The following SPARC variants were observed in gnomAD, a reference collection of about 807,000 sequenced individuals.
SPARC encodes secreted protein acidic and cysteine rich.
A neutral mutation model predicts 37.7 loss-of-function variants in SPARC; 23 were observed. The ratio of observed to expected loss-of-function variants is 0.61; its 90% confidence interval spans 0.44 to 0.87. The LOEUF is 0.87. Ranked by LOEUF, SPARC falls within the 40% of genes least tolerant of loss-of-function variation. SPARC has a pLI of 0.00. For missense variants in SPARC, 312 were observed against 389.0 expected (o/e 0.80, Z 1.66); for synonymous variants, 155 against 150.8 (o/e 1.03, Z -0.20).
intron 1 of SPARC, among the ~76,000 whole-genome samples, chr5:151,685,412 C>T (rs58980100): frequency 7.2e-5 from 10 of 139,364 alleles, no homozygotes; most frequent in South Asian, 7.0e-4. Flanking sequence ...TCTCTCTCTC[C>T]CTCTCTCTCT....
chr5:151,669,127 A>G (rs4958279), intron 6 of SPARC, among the ~76,000 whole-genome samples: 107,730 of 152,024 alleles, frequency 0.71, 39,255 homozygotes, highest in African/African-American at 0.89. Flanking sequence ...CCAGGTTTCC[A>G]GAAGAGGGTG....
intron 8 of SPARC, among the ~76,000 whole-genome samples, chr5:151,665,561 C>T (rs895198817): frequency 3.9e-5 from 6 of 152,146 alleles, no homozygotes; most frequent in Non-Finnish European, 8.8e-5. Flanking sequence ...GCTCTGCTTC[C>T]ACAACCCAAG....
chr5:151,662,365 T>C lies in SPARC; in HGVS notation c.*1206A>G, dbSNP rs779899202. On this transcript the variant is annotated 3_prime_UTR_variant, in exon 10 of 10. Coordinates refer to ENST00000231061, the MANE Select transcript of SPARC (RefSeq NM_003118.4). The stretch of plus-strand genomic sequence containing the variant: ...ATTTGTGTAGTCATGTGTAGACATG[T>C]ATGCTCATGTGTTTTTGTGTCAGGA... The C allele has an allele frequency of 7.9e-5, 12 of 152,730 alleles. No homozygotes were observed. The highest frequency in any genetic ancestry group is 1.2e-4 in the African/African-American group (5 of 41,570). 9.5% of individuals were successfully genotyped at this position (152,730 alleles called of 1,614,324 possible).
At chr5:151,681,013 C>G (rs1260893528) in intron 1 of SPARC, among the ~76,000 whole-genome samples, 2 of 152,174 alleles carry the variant, frequency 1.3e-5, no homozygotes. Flanking sequence ...GATACAGTGA[C>G]GAAGACCAGG....
intron 6 of SPARC, among the ~76,000 whole-genome samples, 159 bp downstream of exon 6, chr5:151,669,505 T>C (rs558639926): frequency 2.4e-4 from 37 of 152,300 alleles, no homozygotes; most frequent in East Asian, 7.7e-4. Context: ...AGCCAACTCA[T>C]AGACAATTAC....
intron 2 of SPARC, among the ~76,000 whole-genome samples, chr5:151,675,464 A>G (rs1467604431): frequency 6.6e-6 from 1 of 152,210 alleles, no homozygotes; most frequent in Non-Finnish European, 1.5e-5. Context: ...AAGCTGGCTC[A>G]GGACCCAAGC....
intron 2 of SPARC, 80 bp from the exon 3 acceptor site, chr5:151,674,754 A>G: frequency 7.1e-7 from 1 of 1,405,326 alleles, no homozygotes; most frequent in South Asian, 1.2e-5. Context: ...GGCCTCGGAT[A>G]CAGGCTAGGG....
chr5:151,678,460 T>A (rs924487654), intron 1 of SPARC, among the ~76,000 whole-genome samples: 2 of 152,194 alleles, frequency 1.3e-5, no homozygotes, highest in African/African-American at 4.8e-5. Flanking sequence ...CTAAGTCTTA[T>A]AGTGCTGCTT....
chr5:151,672,845 G>T, intron 4 of SPARC: 1 of 424,674 alleles, frequency 2.4e-6, no homozygotes, highest in Non-Finnish European at 4.4e-6. Flanking sequence ...CTCAGCTTTG[G>T]ACTCAGGGCA....
chr5:151,678,473 T>C (rs933000081), intron 1 of SPARC, among the ~76,000 whole-genome samples: 3 of 152,192 alleles, frequency 2.0e-5, no homozygotes, highest in Admixed American at 6.5e-5. Context: ...TGCTGCTTCA[T>C]AGTTTCTAAA....
intron 4 of SPARC, 119 bp from the exon 5 acceptor site, chr5:151,671,813 G>C: frequency 7.3e-7 from 1 of 1,368,910 alleles, no homozygotes; most frequent in Non-Finnish European, 1.0e-6. Context: ...CTGGGCTTTG[G>C]ACAGCCCTGA....
chr5:151,663,376 A>C lies in SPARC; in HGVS notation c.*195T>G. ...ATTAATGCGTGTGGAAAAGGCCTTA[A>C]TAGTTAAGTTACAGCTAAGAATGTC... On this transcript the variant is annotated 3_prime_UTR_variant, in exon 10 of 10. Transcript: ENST00000231061. 1 of 612,912 alleles carries C rather than the reference A, an allele frequency of 1.6e-6. No individual in the cohort carries two copies. The highest frequency in any genetic ancestry group is 2.9e-6 in the Non-Finnish European group (1 of 344,106). The allele number at this position is 612,912 out of a possible 1,614,324, so 38.0% of individuals were successfully genotyped here. A position where few individuals can be genotyped will look rare whatever the true frequency, so the allele number is the denominator to read the frequency against.
At chr5:151,676,342 T>G (rs1450538784) in intron 1 of SPARC, 141 bp from the exon 2 acceptor site, 2 of 602,616 alleles carry the variant, frequency 3.3e-6, no homozygotes, top group Non-Finnish European at 5.9e-6. Flanking sequence ...TTGGTTCCAT[T>G]TAATATTCTT....
At chr5:151,672,952 G>A in intron 4 of SPARC, 177 bp downstream of exon 4, 1 of 611,840 alleles carries the variant, frequency 1.6e-6, no homozygotes, top group East Asian at 2.8e-5. Flanking sequence ...CAGATCCCAG[G>A]GGACTGAGTG....
intron 1 of SPARC, among the ~76,000 whole-genome samples, chr5:151,676,686 G>A (rs1760865504): frequency 6.6e-6 from 1 of 152,162 alleles, no homozygotes; most frequent in Non-Finnish European, 1.5e-5. Context: ...TTTGGGCAAT[G>A]CCAAACCAGA....
chr5:151,686,025 G>C (rs904982848), intron 1 of SPARC: 2 of 152,184 alleles, frequency 1.3e-5, no homozygotes, highest in Non-Finnish European at 2.9e-5. Flanking sequence ...TACGGAAGGG[G>C]ACCCTGGAAT....
chr5:151,666,630 C>A lies in SPARC; in HGVS notation c.586-121G>T, dbSNP rs112098260. The A allele has an allele frequency of 2.2e-5, 18 of 819,532 alleles. 1 individual carries two copies. The highest frequency in any genetic ancestry group is 1.7e-4 in the African/African-American group (10 of 58,444). 50.8% of individuals were successfully genotyped at this position (819,532 alleles called of 1,614,324 possible). ...AGACTAGCCAGACCAAAGCTCACAG[C>A]GAGGGGAGGGAGGTGTCATAGATGG... On this transcript the variant is annotated intron_variant, in intron 7 of 9. Coordinates refer to ENST00000231061, the MANE Select transcript of SPARC (RefSeq NM_003118.4).
chr5:151,683,464 G>A (rs1045847525), intron 1 of SPARC, among the ~76,000 whole-genome samples: 1 of 152,208 alleles, frequency 6.6e-6, no homozygotes, highest in Non-Finnish European at 1.5e-5. Flanking sequence ...TGGCTCAGAC[G>A]CCAGCTTGCT....
At chr5:151,666,554 G>A (rs751225623) in intron 7 of SPARC, 45 bp from the exon 8 acceptor site, 2 of 1,579,796 alleles carry the variant, frequency 1.3e-6, no homozygotes, top group Non-Finnish European at 1.7e-6. Flanking sequence ...CATGGAGATT[G>A]TCTGGACCAG....
Sources: gnomAD v4.1 joint callset for allele counts (sites outside exome capture counted in the v4.1 genomes callset) on GRCh38, gnomAD v4.1.1 for gene constraint, MANE v1.5 for transcripts, NCBI Gene and HGNC (gene_info 2026-07-23, HGNC 2026-07-21) for gene names.